RABGAP1L: variants seen among roughly 807,000 people sequenced by gnomAD.
RABGAP1L encodes RAB GTPase activating protein 1 like.
Under a neutral mutation model 137.7 loss-of-function variants are expected in RABGAP1L, and 63 were observed. The ratio of observed to expected loss-of-function variants is 0.46; its 90% CI spans 0.37 to 0.56. The LOEUF is 0.56. Ranked by LOEUF, RABGAP1L falls within the 20% of genes least tolerant of loss-of-function variation. The pLI is 0.00. For synonymous variants in RABGAP1L, 431 were observed against 433.7 expected (o/e 0.99, Z 0.08); for missense variants, 1,095 against 1,244.0 (o/e 0.88, Z 1.80).
chr1:174,418,472 G>T (rs1460499889), intron 13 of RABGAP1L, among the ~76,000 whole-genome samples: 1 of 152,180 alleles, frequency 6.6e-6, no homozygotes, highest in African/African-American at 2.4e-5. Flanking sequence ...TGAGAGAATG[G>T]TTATAATTAA....
chr1:174,669,100 G>A (rs1304322906), intron 14 of RABGAP1L, among the ~76,000 whole-genome samples: 1 of 152,178 alleles, frequency 6.6e-6, no homozygotes, highest in Non-Finnish European at 1.5e-5. Context: ...TTGACTCACA[G>A]TTCAGCATGG....
chr1:174,310,583 A>T (rs559907316), intron 11 of RABGAP1L, among the ~76,000 whole-genome samples: 1 of 152,276 alleles, frequency 6.6e-6, no homozygotes, highest in South Asian at 2.1e-4. Flanking sequence ...ATCTCTTCAG[A>T]TCTATTAATG....
chr1:174,216,996 G>T lies in RABGAP1L; in HGVS notation c.-33-2129G>T, dbSNP rs117812562. ...CTGGAAATAGAAGATGGGTTAGGAG[G>T]CTTTTACAGTAGATAAGAGCATTGT... is the stretch of plus-strand genomic sequence containing the variant. On this transcript the variant is annotated intron_variant, in intron 1 of 25. Coordinates refer to ENST00000681986, the MANE Select transcript of RABGAP1L (RefSeq NM_001366446.1). 2.6e-5 allele frequency among the ~76,000 whole-genome samples: 4 copies of T among 152,240 alleles called. No individual in the cohort carries two copies. The East Asian group carries it at 7.7e-4, about 29-fold the overall frequency.
intron 18 of RABGAP1L, among the ~76,000 whole-genome samples, chr1:174,768,055 G>A (rs1236868719): frequency 2.0e-5 from 3 of 152,182 alleles, no homozygotes; most frequent in Admixed American, 2.0e-4. Flanking sequence ...GGAATTATGC[G>A]AGTACAATTC....
intron 13 of RABGAP1L, among the ~76,000 whole-genome samples, chr1:174,424,021 A>G (rs1651665088): frequency 6.6e-6 from 1 of 152,170 alleles, no homozygotes; most frequent in Admixed American, 6.5e-5. Flanking sequence ...AGAGTGGTAT[A>G]AAGGCCAAGA....
At chr1:174,849,100 T>C (rs1031656047) in intron 19 of RABGAP1L, among the ~76,000 whole-genome samples, 12 of 152,138 alleles carry the variant, frequency 7.9e-5, no homozygotes, top group South Asian at 2.1e-4. Flanking sequence ...GCACGGTGCG[T>C]GCACCCACTG....
chr1:174,663,802 T>C lies in RABGAP1L; in HGVS notation c.1825-19720T>C, dbSNP rs1676564042. Among the ~76,000 whole-genome samples, 2 of 152,234 alleles carry C rather than the reference T, an allele frequency of 1.3e-5. 1 individual carries two copies. On this transcript the variant is annotated intron_variant, in intron 14 of 25. Coordinates refer to ENST00000681986, the MANE Select transcript of RABGAP1L (RefSeq NM_001366446.1). Reference sequence around the variant, plus strand: ...AAGTTCAGGTGGAACAAGTTGATGCTCTGCCTTCTTATTTCATCTCTCATA... The same window carrying C: ...AAGTTCAGGTGGAACAAGTTGATGCCCTGCCTTCTTATTTCATCTCTCATA...
chr1:174,174,964 T>C (rs546370857), intron 1 of RABGAP1L, among the ~76,000 whole-genome samples: 1 of 152,332 alleles, frequency 6.6e-6, no homozygotes, highest in South Asian at 2.1e-4. Context: ...TTAGTCAAGT[T>C]GACAACTAAA....
At chr1:174,345,423 T>G (rs72713536) in intron 11 of RABGAP1L, among the ~76,000 whole-genome samples, 1,531 of 152,292 alleles carry the variant, frequency 0.01, 13 homozygotes, top group Non-Finnish European at 0.015. Context: ...TGCGTGAACG[T>G]GGAATATCTT....
At chr1:174,972,409 G>GATT (rs751321041) in intron 21 of RABGAP1L, among the ~76,000 whole-genome samples, 3 of 152,352 alleles carry the variant, frequency 2.0e-5, no homozygotes, top group Non-Finnish European at 4.4e-5. Flanking sequence ...GTTGATTCAT[G>GATT]ATTAAATCAC....
chr1:174,216,014 G>A (rs1669292845), intron 1 of RABGAP1L, among the ~76,000 whole-genome samples: 1 of 152,186 alleles, frequency 6.6e-6, no homozygotes, highest in African/African-American at 2.4e-5. Flanking sequence ...GAAAGCAGAT[G>A]TCATTAGGTT....
intron 13 of RABGAP1L, among the ~76,000 whole-genome samples, chr1:174,618,170 G>T (rs766298538): frequency 2.0e-5 from 3 of 152,168 alleles, no homozygotes; most frequent in Non-Finnish European, 4.4e-5. Flanking sequence ...GGAGCCCACC[G>T]CAGCTTAAGG....
Position 174,469,111 on chromosome 1 carries a change from A to G in RABGAP1L, c.1710+74966A>G, listed in dbSNP as rs375161931. Among the ~76,000 whole-genome samples the G allele has an allele frequency of 5.9e-5, 9 of 152,172 alleles. No homozygotes were observed. The East Asian group carries it at 9.6e-4, about 16-fold the overall frequency. ...TATTTATGTTCATGTCTTTTTATCT[A>G]TTAATAGAAAAGTGCAGCTGTTACT... is the stretch of plus-strand genomic sequence containing the variant. On this transcript the variant is annotated intron_variant, in intron 13 of 25. Transcript: ENST00000681986.
At chr1:174,286,003 T>G (rs911147175) in intron 10 of RABGAP1L, among the ~76,000 whole-genome samples, 2 of 152,206 alleles carry the variant, frequency 1.3e-5, no homozygotes, top group African/African-American at 4.8e-5. Context: ...TGAGAACTTT[T>G]GCATCTGTGT....
intron 13 of RABGAP1L, among the ~76,000 whole-genome samples, chr1:174,444,055 A>G (rs567360212): frequency 1.3e-5 from 2 of 152,024 alleles, no homozygotes; most frequent in Admixed American, 6.5e-5. Flanking sequence ...TTATGCCAAT[A>G]TCATGCTGTT....
At chr1:174,624,809 C>G (rs75008285) in intron 13 of RABGAP1L, among the ~76,000 whole-genome samples, 4 of 151,746 alleles carry the variant, frequency 2.6e-5, no homozygotes, top group African/African-American at 9.7e-5. Context: ...AATAATCTCA[C>G]TCAGAGAGGC....
At chr1:174,521,985 A>G (rs1426564821) in intron 13 of RABGAP1L, among the ~76,000 whole-genome samples, 3 of 152,144 alleles carry the variant, frequency 2.0e-5, no homozygotes, top group Non-Finnish European at 4.4e-5. Context: ...AGGCTGAAGC[A>G]GGAGAATCCC....
chr1:174,483,539 C>T (rs115483620), intron 13 of RABGAP1L, among the ~76,000 whole-genome samples: 2,042 of 152,208 alleles, frequency 0.013, 46 homozygotes, highest in African/African-American at 0.045. Context: ...ATTCATCTGT[C>T]GATGGACACT....
chr1:174,401,761 A>C (rs1648613470), intron 13 of RABGAP1L, among the ~76,000 whole-genome samples: 1 of 152,208 alleles, frequency 6.6e-6, no homozygotes, highest in Non-Finnish European at 1.5e-5. Context: ...AAGATAGTCA[A>C]AAAGGCAAAG....
Sources: allele counts gnomAD v4.1 joint callset (sites outside exome capture counted in the v4.1 genomes callset), GRCh38; gene constraint gnomAD v4.1.1; transcripts MANE v1.5; gene names NCBI Gene and HGNC (gene_info 2026-07-23, HGNC 2026-07-21).